ZNF790: variants seen among roughly 807,000 people sequenced by gnomAD.
The protein encoded by ZNF790 is zinc finger protein 790.
Under a neutral mutation model 12.1 loss-of-function variants are expected in ZNF790, and 8 were observed. The ratio of observed to expected loss-of-function variants is 0.66; its 90% CI spans 0.39 to 1.19. The LOEUF (loss-of-function observed/expected upper bound fraction) is 1.19. Ranked by LOEUF, ZNF790 falls within the 50% of genes most tolerant of loss-of-function variation. The pLI is 0.01. For synonymous variants in ZNF790, 252 were observed against 244.3 expected, an observed-to-expected ratio of 1.03 and a Z score of -0.29; for missense variants, 707 against 752.2, an observed-to-expected ratio of 0.94 and a Z score of 0.70.
chr19:36,846,014 G>A (rs2072177311), intron 1 of ZNF790, among the ~76,000 whole-genome samples: 1 of 151,976 alleles, frequency 6.6e-6, no homozygotes, highest in African/African-American at 2.4e-5. Flanking sequence ...TCACCATGTT[G>A]GCCAGGATGA....
intron 1 of ZNF790, among the ~76,000 whole-genome samples, chr19:36,835,530 T>C (rs1049008681): frequency 6.6e-6 from 1 of 152,196 alleles, no homozygotes; most frequent in Non-Finnish European, 1.5e-5. Context: ...GGTCCCCTTA[T>C]GTCACAGGGA....
chr19:36,819,031 G>A lies in ZNF790; in HGVS notation c.1313C>T (p.Ala438Val). 1 of 1,614,036 alleles carries A rather than the reference G, an allele frequency of 6.2e-7. No homozygotes were observed. Among genetic ancestry groups the A allele is most frequent in the Non-Finnish European group, 8.5e-7 (1 of 1,179,990 alleles). Residue 438 changes from alanine to valine, a missense_variant, in exon 5 of 5, where the codon GCT becomes GTT. By Grantham distance (64) the Ala-to-Val change is moderately conservative. Transcript: ENST00000356725. Reference sequence around the variant, plus strand: ...CTCATTGTGAATTTTCTCATGTTGAGCAAGATACGAAGCCCAAGTAAAAGT... The same window carrying A: ...CTCATTGTGAATTTTCTCATGTTGAACAAGATACGAAGCCCAAGTAAAAGT... ...GKTFTWASYLAQHEKIHNERK... is the reference protein window; with the variant it reads ...GKTFTWASYLVQHEKIHNERK...
intron 1 of ZNF790, among the ~76,000 whole-genome samples, chr19:36,829,250 ACT>A (rs1040948833): frequency 1.8e-4 from 27 of 152,192 alleles, no homozygotes; most frequent in African/African-American, 6.3e-4. Context: ...TCGAAAAGAA[ACT>A]CTAACCCTTT....
rs1287735761 is a variant in ZNF790 at position 36,823,306 on chromosome 19, C to T, written c.208G>A (p.Glu70Lys). Residue 70 changes from glutamate (E) to lysine (K), a missense_variant, in exon 4 of 5, where the codon GAG becomes AAG. Physicochemically the swap from Glu to Lys is moderately conservative, Grantham distance 56 (BLOSUM62 1). Coordinates refer to ENST00000356725, the MANE Select transcript of ZNF790 (RefSeq NM_206894.4). ...TCACCTGGGCAAGGTCCTCTTGTCT[C>T]ATCCCTCAAAATCTTCCAGGGCTCT... is the stretch of plus-strand genomic sequence containing the variant. ...GKEPWKILRD[E>K]TRGPCPDMQS... 2.5e-6 allele frequency: 4 copies of T among 1,614,086 alleles called. No individual in the cohort carries two copies. The highest frequency in any genetic ancestry group is 3.4e-6 in the Non-Finnish European group (4 of 1,180,016).
At position 36,819,038 on chromosome 19, in the gene ZNF790, AC is replaced by A; in HGVS notation, c.1305del (p.Tyr436IlefsTer217). On this transcript the variant is annotated frameshift_variant, in exon 5 of 5. Transcript: ENST00000356725. LOFTEE classifies it low-confidence loss of function (END_TRUNC). ...TGAATTTTCTCATGTTGAGCAAGAT[AC>A]GAAGCCCAAGTAAAAGTCTTCCCGC... The part of the protein sequence containing the change: ...KQCGKTFTWA[S>X]YLAQHEKIHN... 6.2e-7 allele frequency: 1 copy of A among 1,614,100 alleles called. No individual in the cohort carries two copies. Among genetic ancestry groups the A allele is most frequent in the Non-Finnish European group, 8.5e-7 (1 of 1,180,020 alleles).
intron 2 of ZNF790, among the ~76,000 whole-genome samples, chr19:36,824,231 T>TCA (rs2071747052): frequency 6.6e-6 from 1 of 151,938 alleles, no homozygotes; most frequent in Admixed American, 6.6e-5. Flanking sequence ...TCTCCTGACC[T>TCA]TGTGATCCAC....
At chr19:36,843,820 C>A (rs766803492) in intron 1 of ZNF790, among the ~76,000 whole-genome samples, 1 of 150,914 alleles carries the variant, frequency 6.6e-6, no homozygotes, top group Non-Finnish European at 1.5e-5. Flanking sequence ...ACCAGCCTGA[C>A]AAATATGGAG....
At chr19:36,832,383 C>G (rs2071960002) in intron 1 of ZNF790, among the ~76,000 whole-genome samples, 1 of 152,196 alleles carries the variant, frequency 6.6e-6, no homozygotes, top group Non-Finnish European at 1.5e-5. Context: ...CAATAAGGTA[C>G]TGCGGAAATG....
At chr19:36,821,623 G>C (rs1369583708) in intron 4 of ZNF790, among the ~76,000 whole-genome samples, 3 of 151,808 alleles carry the variant, frequency 2.0e-5, no homozygotes, top group African/African-American at 7.3e-5. Context: ...TCACTCTGTC[G>C]CCCAGGTTGG....
At position 36,818,536 on chromosome 19, in the gene ZNF790, T is replaced by C; in HGVS notation, c.1808A>G (p.Asn603Ser). Residue 603 changes from asparagine (N) to serine (S), a missense_variant, in exon 5 of 5, where the codon AAC (asparagine) becomes AGC (serine). Asn to Ser is a conservative substitution (Grantham distance 46). Transcript: ENST00000356725. Reference protein sequence around the residue: ...DYGNTFSHESNFAQHQNIYTF... With the variant: ...DYGNTFSHESSFAQHQNIYTF... ...GTAAATATTCTGGTGTTGAGCAAAGTTTGACTCATGACTAAAGGTGTTCCC... is the reference window on the plus strand; with the variant it reads ...GTAAATATTCTGGTGTTGAGCAAAGCTTGACTCATGACTAAAGGTGTTCCC... The C allele has an allele frequency of 6.2e-7, 1 of 1,604,890 alleles. No individual in the cohort carries two copies. Among genetic ancestry groups the C allele is most frequent in the Non-Finnish European group, 8.5e-7 (1 of 1,172,424 alleles).
intron 2 of ZNF790, among the ~76,000 whole-genome samples, chr19:36,824,245 C>T (rs1472764418): frequency 6.6e-6 from 1 of 151,904 alleles, no homozygotes; most frequent in African/African-American, 2.4e-5. Context: ...GATCCACCCG[C>T]CTCGGCCTCC....
chr19:36,836,996 G>A (rs2072060077), intron 1 of ZNF790, among the ~76,000 whole-genome samples: 1 of 146,826 alleles, frequency 6.8e-6, no homozygotes, highest in African/African-American at 2.5e-5. Flanking sequence ...TCTTTGGGAC[G>A]GGTAAGTTTG....
rs2072088670 is a variant in ZNF790, at chr19:36,838,141, CACACAA to C, written c.-74+190_-74+195del. On this transcript the variant is annotated intron_variant, in intron 1 of 4. Transcript: ENST00000356725. The surrounding 1 kb of genome is among the most constrained non-coding windows in gnomAD (Gnocchi z 4.4). ...ACACACACACACATACACACACACACACACAAGCTCCCGTCGCGGCCCCAGCTCCTG... is the reference window on the plus strand; with the variant it reads ...ACACACACACACATACACACACACACGCTCCCGTCGCGGCCCCAGCTCCTG... The C allele has an allele frequency of 2.0e-5, 3 of 151,510 alleles. No individual in the cohort carries two copies. Among genetic ancestry groups the C allele is most frequent in the Non-Finnish European group, 2.9e-5 (2 of 68,062 alleles). 9.4% of individuals were successfully genotyped at this position (151,510 alleles called of 1,614,324 possible).
At chr19:36,820,544 T>C (rs1198643990) in intron 4 of ZNF790, among the ~76,000 whole-genome samples, 1 of 152,196 alleles carries the variant, frequency 6.6e-6, no homozygotes, top group East Asian at 1.9e-4. Context: ...AGTACTAGGA[T>C]CTCAATAGCA....
chr19:36,827,117 T>TACACACACAC (rs760453936), intron 1 of ZNF790, among the ~76,000 whole-genome samples: 4,031 of 59,648 alleles, frequency 0.068, 153 homozygotes, highest in Non-Finnish European at 0.1. Context: ...TATATACACA[T>TACACACACAC]ACACACACAC....
chr19:36,847,744 T>C (rs1281432126), intron 1 of ZNF790, among the ~76,000 whole-genome samples: 2 of 139,494 alleles, frequency 1.4e-5, no homozygotes, highest in Non-Finnish European at 3.1e-5. Flanking sequence ...AGAGAGACTC[T>C]GTCTCAAAAA....
At chr19:36,829,602 T>G (rs1246280437) in intron 1 of ZNF790, among the ~76,000 whole-genome samples, 1 of 152,218 alleles carries the variant, frequency 6.6e-6, no homozygotes, top group African/African-American at 2.4e-5. Flanking sequence ...AGTTTCGCTC[T>G]TGTTGCCCAG....
chr19:36,819,229 C>A lies in ZNF790; in HGVS notation c.1115G>T (p.Gly372Val). The A allele has an allele frequency of 6.2e-7, 1 of 1,614,098 alleles. No individual in the cohort carries two copies. The highest frequency in any genetic ancestry group is 8.5e-7 in the Non-Finnish European group (1 of 1,180,016). Reference protein sequence around the residue: ...GEKSHECKECGKAFIRGSNLA... With the variant: ...GEKSHECKECVKAFIRGSNLA... ...ATTTGAACCACGAATAAAGGCTTTTCCACATTCCTTACACTCATGAGATTT... is the reference window on the plus strand; with the variant it reads ...ATTTGAACCACGAATAAAGGCTTTTACACATTCCTTACACTCATGAGATTT... Residue 372 changes from glycine (G) to valine (V), a missense_variant, in exon 5 of 5, where the codon GGA (glycine) becomes GTA (valine). Transcript: ENST00000356725.
At chr19:36,834,245 A>G (rs2071998491) in intron 1 of ZNF790, among the ~76,000 whole-genome samples, 1 of 131,174 alleles carries the variant, frequency 7.6e-6, no homozygotes, top group Admixed American at 7.7e-5. Context: ...CTCCATCTCA[A>G]AAAAAAAAAA....
Sources: allele counts gnomAD v4.1 joint callset (sites outside exome capture counted in the v4.1 genomes callset), GRCh38; gene constraint gnomAD v4.1.1; non-coding constraint Gnocchi (gnomAD v3.1); transcripts MANE v1.5; gene names NCBI Gene and HGNC (gene_info 2026-07-23, HGNC 2026-07-21).